The following RABEP1 variants were observed in gnomAD, a reference collection of about 807,000 sequenced individuals.
RABEP1 encodes rabaptin, RAB GTPase binding effector protein 1, also known as rab GTPase-binding effector protein 1.
RABEP1 carries 51 observed loss-of-function variants against 123.4 expected under a neutral mutation model. That is an observed-to-expected ratio of 0.41 (90% CI 0.33 to 0.52). RABEP1 has a LOEUF of 0.52. Ranked by LOEUF, RABEP1 falls within the 20% of genes least tolerant of loss-of-function variation. The probability of loss-of-function intolerance (pLI) is 0.16; values close to 1 mark genes in which losing one functional copy is unlikely to be tolerated. For synonymous variants in RABEP1, 347 were observed against 355.2 expected, an observed-to-expected ratio of 0.98 and a Z score of 0.26; for missense variants, 888 against 996.3, an observed-to-expected ratio of 0.89 and a Z score of 1.46.
chr17:5,363,306 G>T (rs1320752413), intron 10 of RABEP1, among the ~76,000 whole-genome samples: 1 of 150,808 alleles, frequency 6.6e-6, no homozygotes, highest in Admixed American at 6.6e-5. Context: ...TGCAACTTCC[G>T]ACCCCCTGGT....
intron 5 of RABEP1, among the ~76,000 whole-genome samples, chr17:5,344,176 C>T (rs914144758): frequency 6.6e-6 from 1 of 152,168 alleles, no homozygotes; most frequent in African/African-American, 2.4e-5. Context: ...GCTAAGTTGG[C>T]TGGACGTGGT....
intron 1 of RABEP1, among the ~76,000 whole-genome samples, chr17:5,287,881 C>T (rs897737667): frequency 1.3e-5 from 2 of 151,910 alleles, no homozygotes; most frequent in Non-Finnish European, 2.9e-5. Context: ...TACTTCACTC[C>T]CACCTAGGTG....
At chr17:5,357,534 G>C (rs1909134010) in intron 8 of RABEP1, among the ~76,000 whole-genome samples, 1 of 152,038 alleles carries the variant, frequency 6.6e-6, no homozygotes, top group South Asian at 2.1e-4. Flanking sequence ...ACCACGCCCA[G>C]CTATTTTTGT....
intron 1 of RABEP1, among the ~76,000 whole-genome samples, chr17:5,303,539 T>TC (rs2144505965): frequency 6.6e-6 from 1 of 152,210 alleles, no homozygotes; most frequent in Admixed American, 6.6e-5. Context: ...ACTGTGCCTG[T>TC]CCAATAGTTT....
rs536321070 is a variant in RABEP1 at position 5,282,885 on chromosome 17, G to A, written c.34+365G>A. On this transcript the variant is annotated intron_variant, in intron 1 of 17. Transcript: ENST00000537505. The stretch of plus-strand genomic sequence containing the variant: ...GAAATCGGGAACATGTGCTATATTC[G>A]TTAAAGAAAAAAAATCTTAGCTTAG... Among the ~76,000 whole-genome samples, 11 of 152,050 alleles carry A rather than the reference G, an allele frequency of 7.2e-5. No homozygotes were observed. The East Asian group carries it at 2.1e-3, about 29-fold the overall frequency.
At chr17:5,332,509 G>C (rs949442159) in intron 3 of RABEP1, among the ~76,000 whole-genome samples, 1 of 151,958 alleles carries the variant, frequency 6.6e-6, no homozygotes, top group South Asian at 2.1e-4. Context: ...AGAGAGAGCT[G>C]CCATGCAAAG....
Position 5,367,598 on chromosome 17 carries a change from T to G in RABEP1, c.1786-772T>G, listed in dbSNP as rs4790261. Among the ~76,000 whole-genome samples the G allele has an allele frequency of 5.1e-3, 755 of 148,894 alleles. 25 individuals carry two copies. Among genetic ancestry groups the G allele is most frequent in the Non-Finnish European group, 8.4e-3 (560 of 66,968 alleles). On this transcript the variant is annotated intron_variant, in intron 11 of 17. Coordinates refer to ENST00000537505, the MANE Select transcript of RABEP1 (RefSeq NM_004703.6). ...GTAAAACTTTTTTTTAAAAAAAGTA[T>G]GGATAGCCAATTTCTGTATGACTTG...
At chr17:5,367,598 T>C (rs4790261) in intron 11 of RABEP1, among the ~76,000 whole-genome samples, 55,726 of 148,832 alleles carry the variant, frequency 0.37, 12,483 homozygotes, top group East Asian at 0.8. Context: ...AAAAAAAGTA[T>C]GGATAGCCAA....
At position 5,361,637 on chromosome 17, in the gene RABEP1, TTA is replaced by T; in HGVS notation, c.1526_1527del (p.Leu509CysfsTer2). ...CTATGTGTCCCCTAGTGGTTATCGT[TTA>T]GTTAGTGAAACAGAATGGAATCTCT... Reference protein sequence around the residue: ...SAYVSPSGYRLVSETEWNLLQ... With the variant: ...SAYVSPSGYRXVSETEWNLLQ... On this transcript the variant is annotated frameshift_variant, in exon 9 of 18. Transcript: ENST00000537505. LOFTEE classifies it high-confidence loss of function. 1 of 1,609,330 alleles carries T rather than the reference TTA, an allele frequency of 6.2e-7. No individual in the cohort carries two copies.
intron 1 of RABEP1, among the ~76,000 whole-genome samples, chr17:5,301,797 C>T (rs1200197981): frequency 2.0e-5 from 3 of 151,344 alleles, no homozygotes; most frequent in African/African-American, 7.3e-5. Flanking sequence ...CAACCACCTG[C>T]GCCATGGTTA....
chr17:5,355,373 G>A (rs952840675), intron 8 of RABEP1, among the ~76,000 whole-genome samples: 4 of 152,116 alleles, frequency 2.6e-5, no homozygotes, highest in South Asian at 2.1e-4. Flanking sequence ...AGCTCATCTT[G>A]TTATCAGTGA....
chr17:5,360,406 G>C (rs1312870432), intron 8 of RABEP1, among the ~76,000 whole-genome samples: 1 of 152,146 alleles, frequency 6.6e-6, no homozygotes, highest in African/African-American at 2.4e-5. Context: ...ACTAAAAATA[G>C]AAAACATTAG....
At chr17:5,368,684 T>C (rs1910289193) in intron 12 of RABEP1, among the ~76,000 whole-genome samples, 4 of 152,228 alleles carry the variant, frequency 2.6e-5, no homozygotes, top group Admixed American at 2.6e-4. Context: ...TTTTTTCTCA[T>C]CGTTTAACTT....
At chr17:5,346,020 A>T (rs189899441) in intron 5 of RABEP1, among the ~76,000 whole-genome samples, 3 of 152,250 alleles carry the variant, frequency 2.0e-5, no homozygotes. Context: ...TGAGTATTAC[A>T]CTTAATTGAT....
At position 5,297,932 on chromosome 17, in the gene RABEP1, G is replaced by C. The variant is rs115218403; in HGVS notation, c.35-10762G>C. Among the ~76,000 whole-genome samples the C allele has an allele frequency of 3.5e-3, 530 of 152,310 alleles. 3 individuals carry two copies. The highest frequency in any genetic ancestry group is 0.012 in the African/African-American group (494 of 41,576). ...TTTCATTTTCTGTAGCTTTAATCAA[G>C]AGTTTCCTCCCAAGTGTTAACATCA... On this transcript the variant is annotated intron_variant, in intron 1 of 17. Coordinates refer to ENST00000537505, the MANE Select transcript of RABEP1 (RefSeq NM_004703.6).
chr17:5,287,958 G>A (rs1177107726), intron 1 of RABEP1, among the ~76,000 whole-genome samples: 1 of 152,060 alleles, frequency 6.6e-6, no homozygotes, highest in East Asian at 1.9e-4. Flanking sequence ...GAGTAATAGG[G>A]AGGTATGAAT....
chr17:5,342,782 T>C (rs1346966318), intron 5 of RABEP1, among the ~76,000 whole-genome samples: 4 of 152,190 alleles, frequency 2.6e-5, no homozygotes, highest in African/African-American at 9.6e-5. Context: ...TGAGGAGACT[T>C]GGCCTACCTA....
intron 4 of RABEP1, among the ~76,000 whole-genome samples, chr17:5,336,152 G>T (rs761269837): frequency 6.6e-6 from 1 of 152,054 alleles, no homozygotes; most frequent in Non-Finnish European, 1.5e-5. Context: ...AAATCACATT[G>T]TATAAAATAA....
rs1372343708 is a variant in RABEP1, at chr17:5,353,684, C to CA, written c.964-668dup. Among the ~76,000 whole-genome samples, 9 of 151,776 alleles carry CA rather than the reference C, an allele frequency of 5.9e-5. No individual in the cohort carries two copies. The South Asian group carries it at 8.3e-4, about 14-fold the overall frequency. On this transcript the variant is annotated intron_variant, in intron 7 of 17. Coordinates refer to ENST00000537505, the MANE Select transcript of RABEP1 (RefSeq NM_004703.6). ...ACAACAGCGTGAGACCCCATCTATG[C>CA]AAAAAAACCAAAAAATTAGCCAGGC...
Sources: allele counts gnomAD v4.1 joint callset (sites outside exome capture counted in the v4.1 genomes callset), GRCh38; gene constraint gnomAD v4.1.1; transcripts MANE v1.5; gene names NCBI Gene and HGNC (gene_info 2026-07-23, HGNC 2026-07-21).